The following TBCK variants were observed in gnomAD, a reference collection of about 807,000 sequenced individuals.
TBCK encodes TBC1 domain containing kinase, also known as TBC domain-containing protein kinase-like protein.
A neutral mutation model predicts 113.4 loss-of-function variants in TBCK; 99 were observed. That is an observed-to-expected ratio of 0.87 (90% CI 0.74 to 1.03). The LOEUF is 1.03. Ranked by LOEUF, TBCK falls within the 50% of genes least tolerant of loss-of-function variation. The pLI is 0.00. For synonymous variants in TBCK, 369 were observed against 370.8 expected (o/e 1.00, Z 0.05); for missense variants, 1,045 against 1,061.3 (o/e 0.98, Z 0.21).
chr4:106,200,231 T>C (rs1214327443), intron 20 of TBCK, among the ~76,000 whole-genome samples: 3 of 152,210 alleles, frequency 2.0e-5, no homozygotes, highest in Non-Finnish European at 4.4e-5. Flanking sequence ...GAGGTTTTCT[T>C]GGTTACCTTA....
At chr4:106,238,074 G>A (rs1347799720) in intron 12 of TBCK, among the ~76,000 whole-genome samples, 2 of 151,928 alleles carry the variant, frequency 1.3e-5, no homozygotes, top group Non-Finnish European at 2.9e-5. Context: ...AACTGTAAAG[G>A]AATTGAGACA....
At chr4:106,310,204 T>C (rs754152038) in intron 1 of TBCK, 4 of 152,036 alleles carry the variant, frequency 2.6e-5, no homozygotes, top group Non-Finnish European at 2.9e-5. Context: ...AAATAAAATA[T>C]TATAAAACGT....
intron 16 of TBCK, 98 bp downstream of exon 16, chr4:106,233,490 T>C: frequency 1.1e-6 from 1 of 876,080 alleles, no homozygotes; most frequent in Non-Finnish European, 1.9e-6. Flanking sequence ...GCAGTGTCTC[T>C]GTATTCATGA....
At chr4:106,095,867 A>T (rs905961888) in intron 24 of TBCK, among the ~76,000 whole-genome samples, 1 of 152,208 alleles carries the variant, frequency 6.6e-6, no homozygotes, top group Non-Finnish European at 1.5e-5. Flanking sequence ...ATATAAAAGG[A>T]TCTTACATCA....
intron 23 of TBCK, among the ~76,000 whole-genome samples, chr4:106,138,290 G>A (rs1274205968): frequency 7.1e-6 from 1 of 140,822 alleles, no homozygotes; most frequent in Non-Finnish European, 1.6e-5. Context: ...CTGCATGACT[G>A]TATTTTCTAT....
intron 23 of TBCK, among the ~76,000 whole-genome samples, chr4:106,121,055 T>C (rs1321379467): frequency 1.3e-5 from 2 of 151,968 alleles, no homozygotes; most frequent in Non-Finnish European, 2.9e-5. Context: ...GGCAAAGAAG[T>C]TGAAAACTTT....
chr4:106,200,973 T>C lies in TBCK; in HGVS notation c.1861-6219A>G, dbSNP rs994351838. Among the ~76,000 whole-genome samples the C allele has an allele frequency of 2.6e-5, 4 of 152,192 alleles. No homozygotes were observed. In the South Asian group the frequency reaches 8.3e-4, roughly 32 times the overall value. The stretch of plus-strand genomic sequence containing the variant: ...CTTAATATTGGGGAAAAATCCTTCA[T>C]ATTAAATAATGGCATGTATTTAAAA... On this transcript the variant is annotated intron_variant, in intron 20 of 25. Transcript: ENST00000394708.
At chr4:106,071,505 G>A (rs963751675) in intron 25 of TBCK, among the ~76,000 whole-genome samples, 5 of 152,168 alleles carry the variant, frequency 3.3e-5, no homozygotes, top group Non-Finnish European at 7.3e-5. Context: ...GCTGAGGAGT[G>A]CTTTACTCCC....
At chr4:106,237,364 ATGT>A in intron 12 of TBCK, 2 of 334,262 alleles carry the variant, frequency 6.0e-6, no homozygotes, top group South Asian at 2.3e-5. Flanking sequence ...ATTTTAATAA[ATGT>A]TGTTCCAAAT....
rs371885802 is a variant in TBCK at position 106,195,676 on chromosome 4, C to T, written c.1861-922G>A. On this transcript the variant is annotated intron_variant, in intron 20 of 25. Transcript: ENST00000394708. ...TTCTTTTCTACCTCACTGCTTGAGC[C>T]GGAACATTTCATCTAATCTTCCCCT... is the stretch of plus-strand genomic sequence containing the variant. 3.9e-5 allele frequency among the ~76,000 whole-genome samples: 6 copies of T among 151,996 alleles called. No individual in the cohort carries two copies. The South Asian group carries it at 6.2e-4, about 16-fold the overall frequency.
intron 23 of TBCK, among the ~76,000 whole-genome samples, chr4:106,138,051 T>C (rs1458824983): frequency 7.1e-6 from 1 of 141,366 alleles, no homozygotes; most frequent in African/African-American, 2.5e-5. Context: ...GCAAACATCA[T>C]AGGGTGTATT....
At chr4:106,168,203 T>G (rs779592117) in intron 23 of TBCK, among the ~76,000 whole-genome samples, 1 of 151,904 alleles carries the variant, frequency 6.6e-6, no homozygotes, top group Non-Finnish European at 1.5e-5. Flanking sequence ...TGAAAATTAA[T>G]TAATGTAATT....
chr4:106,276,242 A>G (rs910902103), intron 3 of TBCK, among the ~76,000 whole-genome samples: 3 of 152,222 alleles, frequency 2.0e-5, no homozygotes, highest in African/African-American at 7.2e-5. Context: ...AACACTATAT[A>G]CAAATATTAA....
chr4:106,263,785 C>T (rs1014689716), intron 3 of TBCK, among the ~76,000 whole-genome samples: 3 of 151,884 alleles, frequency 2.0e-5, no homozygotes, highest in African/African-American at 4.8e-5. Flanking sequence ...CTAAAATTTG[C>T]CTCTATGATC....
At chr4:106,262,685 C>G (rs1166007118) in intron 3 of TBCK, among the ~76,000 whole-genome samples, 1 of 151,994 alleles carries the variant, frequency 6.6e-6, no homozygotes, top group Non-Finnish European at 1.5e-5. Flanking sequence ...ACCTATAAAG[C>G]AATCTCTGGT....
chr4:106,117,135 C>T (rs1743617436), intron 23 of TBCK, among the ~76,000 whole-genome samples: 1 of 152,064 alleles, frequency 6.6e-6, no homozygotes, highest in African/African-American at 2.4e-5. Flanking sequence ...TTTTGATTGA[C>T]TGCAAGCTCC....
chr4:106,063,081 A>G (rs930160034), intron 25 of TBCK, among the ~76,000 whole-genome samples: 6 of 151,962 alleles, frequency 3.9e-5, no homozygotes, highest in South Asian at 4.1e-4. Flanking sequence ...AAGAGTTTCC[A>G]CTGTTACTCC....
intron 23 of TBCK, among the ~76,000 whole-genome samples, chr4:106,131,394 C>G (rs571226223): frequency 6.6e-5 from 10 of 152,322 alleles, no homozygotes; most frequent in Admixed American, 2.0e-4. Flanking sequence ...GGGCGGATCA[C>G]CTGAGGTTGG....
chr4:106,051,971 TG>T (rs1734863193), intron 25 of TBCK, among the ~76,000 whole-genome samples: 1 of 151,910 alleles, frequency 6.6e-6, no homozygotes, highest in African/African-American at 2.4e-5. Flanking sequence ...TTTCTTCCCT[TG>T]ATTATATAAT....
Sources: gnomAD v4.1 joint callset for allele counts (sites outside exome capture counted in the v4.1 genomes callset) on GRCh38, gnomAD v4.1.1 for gene constraint, MANE v1.5 for transcripts, NCBI Gene and HGNC (gene_info 2026-07-23, HGNC 2026-07-21) for gene names.